EPM2A: variants seen among roughly 807,000 people sequenced by gnomAD.
EPM2A encodes the protein laforin.
A neutral mutation model predicts 26.5 loss-of-function variants in EPM2A; 21 were observed. The ratio of observed to expected loss-of-function variants is 0.79; its 90% CI spans 0.56 to 1.14. The LOEUF is 1.14. Ranked by LOEUF, EPM2A falls within the 50% of genes most tolerant of loss-of-function variation. The probability of loss-of-function intolerance (pLI) is 0.00; values close to 1 mark genes in which losing one functional copy is unlikely to be tolerated. For missense variants in EPM2A, 458 were observed against 440.8 expected (o/e 1.04, Z -0.35); for synonymous variants, 217 against 177.6 (o/e 1.22, Z -1.76).
intron 1 of EPM2A, among the ~76,000 whole-genome samples, chr6:145,707,062 A>G (rs956605153): frequency 7.9e-5 from 12 of 152,344 alleles, no homozygotes; most frequent in African/African-American, 2.4e-4. Context: ...AGCCAAATCT[A>G]TTAATACTGG....
At chr6:145,479,667 C>A (rs1043994958) in intron 4 of EPM2A, among the ~76,000 whole-genome samples, 1 of 151,942 alleles carries the variant, frequency 6.6e-6, no homozygotes, top group African/African-American at 2.4e-5. Context: ...TTGATATACA[C>A]CTGGTTTGTT....
intron 2 of EPM2A, among the ~76,000 whole-genome samples, chr6:145,585,745 T>C (rs1781188191): frequency 6.6e-6 from 1 of 152,222 alleles, no homozygotes; most frequent in South Asian, 2.1e-4. Flanking sequence ...ATAAATATTT[T>C]TGAGTTTTGT....
At chr6:145,407,777 A>G (rs147931510) in intron 4 of EPM2A, among the ~76,000 whole-genome samples, 5 of 152,300 alleles carry the variant, frequency 3.3e-5, no homozygotes, top group African/African-American at 9.6e-5. Flanking sequence ...GGCTACTAAA[A>G]TTATTCTTAA....
At chr6:145,452,489 C>CAAAAAAAAAAA (rs563777945) in intron 4 of EPM2A, among the ~76,000 whole-genome samples, 26 of 75,858 alleles carry the variant, frequency 3.4e-4, no homozygotes, top group African/African-American at 8.5e-4. Context: ...ACTAAAAATA[C>CAAAAAAAAAAA]AAAAAAAAAA....
At chr6:145,559,201 T>C (rs1375567050) in intron 2 of EPM2A, among the ~76,000 whole-genome samples, 2 of 152,078 alleles carry the variant, frequency 1.3e-5, no homozygotes, top group Non-Finnish European at 2.9e-5. Context: ...CAATCAGGAA[T>C]CTATCTGGAG....
At chr6:145,719,289 G>A (rs1775817095) in intron 1 of EPM2A, among the ~76,000 whole-genome samples, 1 of 149,306 alleles carries the variant, frequency 6.7e-6, no homozygotes, top group South Asian at 2.2e-4. Context: ...ATACTATGCA[G>A]CCATAAAAAA....
chr6:145,562,083 A>G (rs993380073), intron 2 of EPM2A, among the ~76,000 whole-genome samples: 37 of 133,256 alleles, frequency 2.8e-4, no homozygotes, highest in Middle Eastern at 3.9e-3. Context: ...ACATTTTTGA[A>G]GAAAAAAATG....
chr6:145,417,048 G>A (rs1238396186), intron 4 of EPM2A, among the ~76,000 whole-genome samples: 2 of 152,172 alleles, frequency 1.3e-5, no homozygotes, highest in Admixed American at 1.3e-4. Context: ...TAGCTAAGCA[G>A]ACCCAGCCTT....
chr6:145,490,353 T>C lies in EPM2A; in HGVS notation c.555+12169A>G, dbSNP rs1779738442. 3 of 1,319,740 alleles carry C rather than the reference T, an allele frequency of 2.3e-6. No individual in the cohort carries two copies. The East Asian group carries it at 7.0e-5, about 31-fold the overall frequency. The allele number at this position is 1,319,740 out of a possible 1,614,324, so 81.8% of individuals were successfully genotyped here. A position where few individuals can be genotyped will look rare whatever the true frequency, so the allele number is the denominator to read the frequency against. On this transcript the variant is annotated intron_variant, in intron 4 of 4. Coordinates refer to the EPM2A transcript ENST00000638717. The stretch of plus-strand genomic sequence containing the variant: ...ACATGGCATTTATAGAGCTTCTTTC[T>C]TCCTTTTTTGCCTCTATTCCAGTTT...
At chr6:145,639,415 T>C (rs949088298) in intron 2 of EPM2A, 3 of 152,188 alleles carry the variant, frequency 2.0e-5, no homozygotes, top group African/African-American at 7.2e-5. Context: ...GAGATACTTA[T>C]AGAGAGGCTT....
downstream of EPM2A, among the ~76,000 whole-genome samples, chr6:145,623,380 G>C (rs1775677900): frequency 6.6e-6 from 1 of 152,212 alleles, no homozygotes; most frequent in Non-Finnish European, 1.5e-5. Context: ...CTGAAGGAGG[G>C]AGAAGAGTGA....
At chr6:145,667,322 AAAAC>A (rs1343300371) in intron 2 of EPM2A, among the ~76,000 whole-genome samples, 5 of 144,344 alleles carry the variant, frequency 3.5e-5, no homozygotes, top group East Asian at 2.0e-4. Context: ...TTACAAGAAA[AAAAC>A]AAACAACCCC....
chr6:145,446,287 T>C (rs1779127975), intron 4 of EPM2A, among the ~76,000 whole-genome samples: 1 of 152,222 alleles, frequency 6.6e-6, no homozygotes, highest in African/African-American at 2.4e-5. Flanking sequence ...TAATATGCTA[T>C]GTAGCAAAAG....
chr6:145,543,677 G>A (rs1034806719), intron 2 of EPM2A, among the ~76,000 whole-genome samples: 1 of 152,170 alleles, frequency 6.6e-6, no homozygotes, highest in Non-Finnish European at 1.5e-5. Context: ...TGGATATTAA[G>A]AATATATTCC....
Position 145,627,803 on chromosome 6 carries a change from G to A in EPM2A, c.719-110C>T, listed in dbSNP as rs752635744. ...TCACAGGGCTGCACAGGGCCAGGCA[G>A]GGATACGAGAGTTTGCTTTCTTTCT... On this transcript the variant is annotated intron_variant, in intron 3 of 3. Coordinates refer to ENST00000367519, the MANE Select transcript of EPM2A (RefSeq NM_005670.4). 4.8e-6 allele frequency: 7 copies of A among 1,464,824 alleles called. 1 individual carries two copies. The highest frequency in any genetic ancestry group is 4.8e-4 in the Middle Eastern group (2 of 4,158). The allele number at this position is 1,464,824 out of a possible 1,614,324, so 90.7% of individuals were successfully genotyped here. A position where few individuals can be genotyped will look rare whatever the true frequency, so the allele number is the denominator to read the frequency against.
intron 2 of EPM2A, among the ~76,000 whole-genome samples, chr6:145,529,300 C>G (rs189902000): frequency 1.4e-4 from 21 of 152,192 alleles, no homozygotes; most frequent in Non-Finnish European, 2.1e-4. Flanking sequence ...TGCTGTCAAC[C>G]AACATCACAT....
intron 4 of EPM2A, among the ~76,000 whole-genome samples, chr6:145,398,708 A>T (rs1778440804): frequency 6.6e-6 from 1 of 151,964 alleles, no homozygotes; most frequent in Non-Finnish European, 1.5e-5. Flanking sequence ...AAAAACACAA[A>T]CATTAGCTGG....
At chr6:145,624,515 T>C (rs771663698), downstream of EPM2A, among the ~76,000 whole-genome samples, 38 of 152,366 alleles carry the variant, frequency 2.5e-4, no homozygotes, top group Non-Finnish European at 4.1e-4. Flanking sequence ...CGAACCTTTC[T>C]TCCTGACTTA....
In EPM2A at chr6:145,469,248, A is replaced by C. The variant is rs567357351; in HGVS notation, c.555+33274T>G. 7.2e-5 allele frequency among the ~76,000 whole-genome samples: 11 copies of C among 152,226 alleles called. No homozygotes were observed. In the East Asian group the frequency reaches 2.1e-3, roughly 29 times the overall value. On this transcript the variant is annotated intron_variant, in intron 4 of 4. Transcript: ENST00000638717. Reference sequence around the variant, plus strand: ...TGAGAACTCACTCACTATCACAAAAATAGCATGAGGGAAACCACCCTCATG... The same window carrying C: ...TGAGAACTCACTCACTATCACAAAACTAGCATGAGGGAAACCACCCTCATG...
Sources: gnomAD v4.1 joint callset for allele counts (sites outside exome capture counted in the v4.1 genomes callset) on GRCh38, gnomAD v4.1.1 for gene constraint, MANE v1.5 for transcripts, NCBI Gene and HGNC (gene_info 2026-07-23, HGNC 2026-07-21) for gene names.